Variants in DSE observed in about 807,000 individuals in gnomAD.
The protein encoded by DSE is dermatan-sulfate epimerase.
A neutral mutation model predicts 84.4 loss-of-function variants in DSE; 36 were observed. That is an observed-to-expected ratio of 0.43 (90% confidence interval 0.33 to 0.56). DSE has a LOEUF of 0.56. Ranked by LOEUF, DSE falls within the 20% of genes least tolerant of loss-of-function variation. DSE has a pLI of 0.06. For missense variants in DSE, 862 were observed against 1,169.6 expected, an observed-to-expected ratio of 0.74 and a Z score of 3.84; for synonymous variants, 410 against 430.1, an observed-to-expected ratio of 0.95 and a Z score of 0.58.
At chr6:116,262,101 T>C (rs1772437994) in intron 2 of DSE, among the ~76,000 whole-genome samples, 2 of 152,232 alleles carry the variant, frequency 1.3e-5, no homozygotes, top group African/African-American at 4.8e-5. Flanking sequence ...AGGATGATGT[T>C]GGCCTCATAG....
At chr6:116,358,345 A>C (rs1490307727) in intron 2 of DSE, among the ~76,000 whole-genome samples, 1 of 152,268 alleles carries the variant, frequency 6.6e-6, no homozygotes, top group Non-Finnish European at 1.5e-5. Context: ...AGCAGACTGC[A>C]GCCTACATTG....
chr6:116,302,479 G>A (rs1055819240), intron 2 of DSE, among the ~76,000 whole-genome samples: 12 of 151,920 alleles, frequency 7.9e-5, no homozygotes, highest in African/African-American at 2.9e-4. Flanking sequence ...TTTTTGATGG[G>A]GTTGTTTGTT....
At chr6:116,275,475 C>G (rs1168053816) in intron 2 of DSE, among the ~76,000 whole-genome samples, 3 of 152,196 alleles carry the variant, frequency 2.0e-5, no homozygotes, top group African/African-American at 7.2e-5. Flanking sequence ...TTTTGTCATT[C>G]AATATTTATC....
upstream of DSE, chr6:116,369,803 T>A (rs1460367840): frequency 1.3e-6 from 1 of 794,126 alleles, no homozygotes; most frequent in Admixed American, 2.8e-5. Flanking sequence ...CATCCACATT[T>A]TTTCCTTATT....
At chr6:116,380,691 A>G (rs1398409857) in intron 1 of DSE, among the ~76,000 whole-genome samples, 1 of 152,180 alleles carries the variant, frequency 6.6e-6, no homozygotes, top group East Asian at 1.9e-4. Context: ...GTTTGACACT[A>G]CAAGAAAGAC....
intron 1 of DSE, among the ~76,000 whole-genome samples, chr6:116,393,083 T>G (rs1781017604): frequency 6.6e-6 from 1 of 152,196 alleles, no homozygotes; most frequent in Non-Finnish European, 1.5e-5. Flanking sequence ...GGACTGTGTT[T>G]CCCAGTCGCT....
At chr6:116,421,181 T>G (rs983736080) in intron 2 of DSE, among the ~76,000 whole-genome samples, 2 of 152,082 alleles carry the variant, frequency 1.3e-5, no homozygotes, top group African/African-American at 4.8e-5. Context: ...ATTAATTTAT[T>G]TCATATAAAT....
chr6:116,287,308 A>T (rs1428856575), intron 2 of DSE, among the ~76,000 whole-genome samples: 2 of 152,170 alleles, frequency 1.3e-5, no homozygotes, highest in African/African-American at 4.8e-5. Flanking sequence ...ATGAAGTTTT[A>T]TGAATACCTT....
intron 2 of DSE, among the ~76,000 whole-genome samples, chr6:116,420,428 G>A (rs1782995453): frequency 6.6e-6 from 1 of 152,154 alleles, no homozygotes; most frequent in African/African-American, 2.4e-5. Context: ...TTGTACTCTT[G>A]TGCACTCTCT....
At position 116,426,524 on chromosome 6, in the gene DSE, A is replaced by G. The variant is rs113394683; in HGVS notation, c.417-50A>G. 1,167 of 1,587,420 alleles carry G rather than the reference A, an allele frequency of 7.4e-4. 7 individuals carry two copies. The African/African-American group carries it at 0.014, about 19-fold the overall frequency. On this transcript the variant is annotated intron_variant, in intron 2 of 5. Transcript: ENST00000644252. ...AAATAGACACTTTAGAAGTGTGGTGAAAGCTGTGAGTCTGATGAACTCATT... is the reference window on the plus strand; with the variant it reads ...AAATAGACACTTTAGAAGTGTGGTGGAAGCTGTGAGTCTGATGAACTCATT...
chr6:116,340,517 T>C (rs2114817553), intron 2 of DSE, among the ~76,000 whole-genome samples: 1 of 152,276 alleles, frequency 6.6e-6, no homozygotes, highest in South Asian at 2.1e-4. Context: ...TACTTTAAGT[T>C]CTAGGGTATA....
intron 2 of DSE, among the ~76,000 whole-genome samples, chr6:116,410,733 C>CAAAAAAAAAAAAAA (rs765969508): frequency 1.3e-4 from 10 of 79,604 alleles, no homozygotes; most frequent in African/African-American, 2.4e-4. Flanking sequence ...GACTCTGTCT[C>CAAAAAAAAAAAAAA]AAAAAAAAAA....
intron 2 of DSE, among the ~76,000 whole-genome samples, chr6:116,284,083 T>C (rs1390662249): frequency 6.6e-6 from 1 of 152,198 alleles, no homozygotes; most frequent in Non-Finnish European, 1.5e-5. Flanking sequence ...GAATCTTTTC[T>C]AATACAGTTC....
intron 2 of DSE, among the ~76,000 whole-genome samples, chr6:116,338,906 G>A (rs1206386585): frequency 1.3e-5 from 2 of 152,164 alleles, no homozygotes; most frequent in Non-Finnish European, 2.9e-5. Flanking sequence ...TTTTGCCCAG[G>A]TCCATGTGGA....
Position 116,441,815 on chromosome 6 carries a change from G to A in DSE, c.*4470G>A, listed in dbSNP as rs759720263. ...CTTTTCAGTTGAGTTAACAAATAAC[G>A]AATGACAATAACATGTTTACAGAGC... is the stretch of plus-strand genomic sequence containing the variant. On this transcript the variant is annotated 3_prime_UTR_variant, in exon 6 of 6. Coordinates refer to ENST00000644252, the MANE Select transcript of DSE (RefSeq NM_013352.4). 6 of 152,154 alleles carry A rather than the reference G, an allele frequency of 3.9e-5. No individual in the cohort carries two copies. The highest frequency in any genetic ancestry group is 1.2e-4 in the African/African-American group (5 of 41,418). 9.4% of individuals were successfully genotyped at this position (152,154 alleles called of 1,614,324 possible).
intron 2 of DSE, among the ~76,000 whole-genome samples, chr6:116,307,422 T>A (rs6568929): frequency 0.32 from 48,758 of 152,094 alleles, 8,442 homozygotes; most frequent in East Asian, 0.65. Context: ...ACCTGAAGAG[T>A]GTATCTTAAT....
upstream of DSE, chr6:116,369,794 A>G (rs1348022976): frequency 1.5e-6 from 1 of 651,456 alleles, no homozygotes; most frequent in Non-Finnish European, 2.4e-6. Context: ...AAACTGAGAC[A>G]TCCACATTTT....
At chr6:116,364,522 GC>G (rs1779060671) in intron 2 of DSE, among the ~76,000 whole-genome samples, 2 of 152,206 alleles carry the variant, frequency 1.3e-5, no homozygotes, top group South Asian at 4.1e-4. Flanking sequence ...AGTCTGAATG[GC>G]CTGGCTGTTA....
chr6:116,281,531 G>C (rs1259887200), intron 2 of DSE, among the ~76,000 whole-genome samples: 1 of 152,126 alleles, frequency 6.6e-6, no homozygotes, highest in Non-Finnish European at 1.5e-5. Context: ...CAACAGCTGT[G>C]ATGTATTACA....
Sources: gnomAD v4.1 joint callset for allele counts (sites outside exome capture counted in the v4.1 genomes callset) on GRCh38, gnomAD v4.1.1 for gene constraint, MANE v1.5 for transcripts, NCBI Gene and HGNC (gene_info 2026-07-23, HGNC 2026-07-21) for gene names.